Variants in TFEC observed in about 807,000 individuals in gnomAD.
TFEC encodes class E basic helix-loop-helix protein 34.
A neutral mutation model predicts 41.6 loss-of-function variants in TFEC; 31 were observed. That is an observed-to-expected ratio of 0.74 (90% CI 0.56 to 1.01). TFEC has a LOEUF of 1.01. Among genes scored for constraint, TFEC ranks in the 50% least tolerant of loss-of-function variants. TFEC has a pLI of 0.00. For missense variants in TFEC, 402 were observed against 404.1 expected (o/e 0.99, Z 0.04); for synonymous variants, 143 against 140.6 (o/e 1.02, Z -0.12).
chr7:115,984,409 A>G lies in TFEC; in HGVS notation c.33T>C (p.Thr11=). 6.2e-7 allele frequency: 1 copy of G among 1,614,068 alleles called. No individual in the cohort carries two copies. The highest frequency in any genetic ancestry group is 8.5e-7 in the Non-Finnish European group (1 of 1,179,976). MTLDHQIINP[T]LKWSQPAVPS... ...GCACTGCAGGTTGTGACCATTTAAG[A>G]GTTGGATTGATGATCTGATGATCAA... is the stretch of plus-strand genomic sequence containing the variant. Residue 11 remains threonine, a synonymous_variant, in exon 2 of 8, where the codon ACT becomes ACC. Coordinates refer to ENST00000265440, the MANE Select transcript of TFEC (RefSeq NM_012252.4).
intron 1 of TFEC, among the ~76,000 whole-genome samples, chr7:116,013,619 A>G (rs1230040247): frequency 1.3e-5 from 2 of 152,166 alleles, no homozygotes; most frequent in Non-Finnish European, 2.9e-5. Flanking sequence ...CACACAAGCA[A>G]CAAGTGAACT....
chr7:116,134,373 T>C (rs67732323), intron 1 of TFEC, among the ~76,000 whole-genome samples: 16,518 of 152,136 alleles, frequency 0.11, 971 homozygotes, highest in African/African-American at 0.15. Flanking sequence ...GAAAAATGTA[T>C]ACCATATATT....
At chr7:116,010,445 C>T (rs570599425) in intron 1 of TFEC, among the ~76,000 whole-genome samples, 1 of 152,198 alleles carries the variant, frequency 6.6e-6, no homozygotes, top group East Asian at 1.9e-4. Flanking sequence ...ATAGTGATGT[C>T]CTTTACTGAG....
chr7:115,995,357 A>T (rs1794319610), intron 1 of TFEC, among the ~76,000 whole-genome samples: 1 of 152,096 alleles, frequency 6.6e-6, no homozygotes, highest in African/African-American at 2.4e-5. Flanking sequence ...AAAAAACAAA[A>T]ATAAAATAAT....
At chr7:116,104,025 A>G (rs1410864602) in intron 3 of TFEC, among the ~76,000 whole-genome samples, 1 of 152,194 alleles carries the variant, frequency 6.6e-6, no homozygotes, top group African/African-American at 2.4e-5. Flanking sequence ...ATGTTTCAAG[A>G]TAAGTAAAAG....
chr7:116,039,606 A>C (rs1011192437), intron 3 of TFEC, among the ~76,000 whole-genome samples: 1 of 152,066 alleles, frequency 6.6e-6, no homozygotes, highest in African/African-American at 2.4e-5. Flanking sequence ...ACAAGCAAAC[A>C]GAAAGTTTTC....
chr7:116,140,451 T>C (rs1326971731), intron 1 of TFEC, among the ~76,000 whole-genome samples: 1 of 152,224 alleles, frequency 6.6e-6, no homozygotes, highest in African/African-American at 2.4e-5. Context: ...CTCCAAAGAC[T>C]ACCTCAGCAT....
At chr7:116,065,227 C>T (rs1307295999) in intron 3 of TFEC, among the ~76,000 whole-genome samples, 1 of 152,026 alleles carries the variant, frequency 6.6e-6, no homozygotes, top group Admixed American at 6.6e-5. Context: ...TCAACATGCC[C>T]CAGCCATGCT....
rs1793294139 is a variant in TFEC, at chr7:115,937,634, CT to C, written c.*2916del. The C allele has an allele frequency of 6.6e-6, 1 of 151,618 alleles. No homozygotes were observed. Among genetic ancestry groups the C allele is most frequent in the South Asian group, 2.1e-4 (1 of 4,824 alleles). 9.4% of individuals were successfully genotyped at this position (151,618 alleles called of 1,614,324 possible). ...AAACGACTACTTCATAAATGAACAACTTTTTTAGTGAATAATCTAAAGTTTG... is the reference window on the plus strand; with the variant it reads ...AAACGACTACTTCATAAATGAACAACTTTTTAGTGAATAATCTAAAGTTTG... On this transcript the variant is annotated 3_prime_UTR_variant, in exon 8 of 8. Coordinates refer to ENST00000265440, the MANE Select transcript of TFEC (RefSeq NM_012252.4).
chr7:116,011,482 T>C (rs905354593), intron 1 of TFEC, among the ~76,000 whole-genome samples: 6 of 152,152 alleles, frequency 3.9e-5, no homozygotes, highest in Non-Finnish European at 7.4e-5. Context: ...AAAATTCAAA[T>C]TGATTGTATG....
chr7:116,071,615 TATA>T (rs959008111), intron 3 of TFEC, among the ~76,000 whole-genome samples: 4 of 151,408 alleles, frequency 2.6e-5, no homozygotes, highest in Admixed American at 2.6e-4. Context: ...TTTAGTCATT[TATA>T]ATGATTGTTA....
chr7:116,030,434 T>A, intron 1 of TFEC, among the ~76,000 whole-genome samples, 199 bp downstream of exon 1: 1 of 152,214 alleles, frequency 6.6e-6, no homozygotes. Context: ...AAGACATTAA[T>A]AGAGTTTCAG....
At chr7:115,987,865 T>C (rs1793927337) in intron 1 of TFEC, among the ~76,000 whole-genome samples, 2 of 152,074 alleles carry the variant, frequency 1.3e-5, no homozygotes, top group South Asian at 2.1e-4. Flanking sequence ...TAGAAGACCA[T>C]ATAAACCATA....
intron 1 of TFEC, among the ~76,000 whole-genome samples, chr7:116,003,299 A>G (rs1017286488): frequency 1.3e-5 from 2 of 152,148 alleles, no homozygotes; most frequent in Non-Finnish European, 2.9e-5. Context: ...GAAAAGATTT[A>G]TTATGCTAAC....
chr7:116,025,515 C>G (rs1488647700), intron 1 of TFEC, among the ~76,000 whole-genome samples: 1 of 152,090 alleles, frequency 6.6e-6, no homozygotes, highest in Non-Finnish European at 1.5e-5. Flanking sequence ...GACACTTCAA[C>G]CTTCACCCTC....
chr7:116,118,474 T>G (rs748003446), intron 1 of TFEC, among the ~76,000 whole-genome samples: 9 of 151,990 alleles, frequency 5.9e-5, no homozygotes, highest in Non-Finnish European at 1.2e-4. Flanking sequence ...CCATTTCTTT[T>G]GATCAGTTGA....
intron 1 of TFEC, among the ~76,000 whole-genome samples, chr7:116,012,823 C>T (rs9641556): frequency 1.6e-5 from 1 of 62,014 alleles, no homozygotes; most frequent in South Asian, 4.8e-4. Flanking sequence ...AGATTTATTT[C>T]TGGAAAAAAA....
At chr7:116,148,226 T>C (rs1015073359) in intron 1 of TFEC, among the ~76,000 whole-genome samples, 4 of 152,118 alleles carry the variant, frequency 2.6e-5, no homozygotes, top group African/African-American at 9.7e-5. Flanking sequence ...GGGGCCAATT[T>C]AAGGACTTTG....
intron 1 of TFEC, among the ~76,000 whole-genome samples, chr7:116,029,768 A>T (rs1350576784): frequency 2.0e-5 from 3 of 151,948 alleles, no homozygotes; most frequent in Non-Finnish European, 4.4e-5. Context: ...TTCTACTACA[A>T]CTCTTTTGAT....
Sources: allele counts gnomAD v4.1 joint callset (sites outside exome capture counted in the v4.1 genomes callset), GRCh38; gene constraint gnomAD v4.1.1; transcripts MANE v1.5; gene names NCBI Gene and HGNC (gene_info 2026-07-23, HGNC 2026-07-21).